PLXNA4: variants seen among roughly 807,000 people sequenced by gnomAD.
PLXNA4 encodes the protein plexin A4.
A neutral mutation model predicts 191.8 loss-of-function variants in PLXNA4; 44 were observed. That is an observed-to-expected ratio of 0.23 (90% confidence interval 0.18 to 0.29). The LOEUF (loss-of-function observed/expected upper bound fraction) is 0.29. PLXNA4 is among the 10% of genes least tolerant of loss of function. The pLI, the probability that PLXNA4 is intolerant of heterozygous loss-of-function variation, is 1.00. For missense variants in PLXNA4, 1,800 were observed against 2,488.8 expected, an observed-to-expected ratio of 0.72 and a Z score of 5.89; for synonymous variants, 1,082 against 1,009.5, an observed-to-expected ratio of 1.07 and a Z score of -1.36.
intron 3 of PLXNA4, among the ~76,000 whole-genome samples, chr7:132,342,758 C>T (rs965160655): frequency 6.6e-6 from 1 of 151,966 alleles, no homozygotes; most frequent in African/African-American, 2.4e-5. Context: ...ACCAACCTGG[C>T]CAACATGGCG....
intron 2 of PLXNA4, among the ~76,000 whole-genome samples, chr7:132,618,829 CA>C (rs1803206507): frequency 6.6e-6 from 1 of 152,180 alleles, no homozygotes. Context: ...CACAATCATG[CA>C]TTCCTGTCCA....
In PLXNA4 at chr7:132,194,021, G is replaced by A. The variant is rs1346942858; in HGVS notation, c.2856+41C>T. 2.5e-6 allele frequency: 4 copies of A among 1,588,736 alleles called. No individual in the cohort carries two copies. The South Asian group carries it at 3.4e-5, about 14-fold the overall frequency. On this transcript the variant is annotated intron_variant, in intron 14 of 31. Coordinates refer to ENST00000321063, the MANE Select transcript of PLXNA4 (RefSeq NM_020911.2). Reference sequence around the variant, plus strand: ...CCCAGCAATCATGGTAATGAGCTCTGTGGCCTGCACCCAGCCAGATCACTG... The same window carrying A: ...CCCAGCAATCATGGTAATGAGCTCTATGGCCTGCACCCAGCCAGATCACTG...
chr7:132,226,940 T>A (rs978778259), intron 7 of PLXNA4, among the ~76,000 whole-genome samples: 1 of 152,242 alleles, frequency 6.6e-6, no homozygotes, highest in African/African-American at 2.4e-5. Context: ...GCTGGGCCTG[T>A]CCCTCACCAG....
chr7:132,441,089 G>C (rs1795682441), intron 3 of PLXNA4, among the ~76,000 whole-genome samples: 1 of 152,112 alleles, frequency 6.6e-6, no homozygotes, highest in South Asian at 2.1e-4. Flanking sequence ...TATAATATAG[G>C]AACAGTAGAC....
At chr7:132,534,350 T>C (rs1799746217) in intron 1 of PLXNA4, among the ~76,000 whole-genome samples, 1 of 151,882 alleles carries the variant, frequency 6.6e-6, no homozygotes, top group Non-Finnish European at 1.5e-5. Flanking sequence ...TTAGACCCCC[T>C]CCCCTCTGTG....
chr7:132,607,418 A>G (rs1039270665), intron 2 of PLXNA4, among the ~76,000 whole-genome samples: 1 of 152,232 alleles, frequency 6.6e-6, no homozygotes, highest in Non-Finnish European at 1.5e-5. Flanking sequence ...GGAGCAGCCC[A>G]GAGCACAACA....
At position 132,365,356 on chromosome 7, in the gene PLXNA4, T is replaced by TGCGCGCGCGC. The variant is rs1382113654; in HGVS notation, c.1372-67135_1372-67134insGCGCGCGCGC. On this transcript the variant is annotated intron_variant, in intron 3 of 31. Coordinates refer to ENST00000321063, the MANE Select transcript of PLXNA4 (RefSeq NM_020911.2). ...GTGTGTGTGTGTGTGTGTGTGTGTG[T>TGCGCGCGCGC]GTGTGCGTGCGCGCGCATGCATGGG... 7.1e-4 allele frequency among the ~76,000 whole-genome samples: 62 copies of TGCGCGCGCGC among 87,696 alleles called. 1 individual carries two copies. Among genetic ancestry groups the TGCGCGCGCGC allele is most frequent in the Non-Finnish European group, 1.8e-4 (8 of 45,498 alleles). 57.5% of individuals were successfully genotyped at this position (87,696 alleles called of 152,430 possible). A position where few individuals can be genotyped will look rare whatever the true frequency, so the allele number is the denominator to read the frequency against.
intron 7 of PLXNA4, 83 bp from the exon 8 acceptor site, chr7:132,226,343 A>C: frequency 8.2e-7 from 1 of 1,214,186 alleles, no homozygotes; most frequent in Non-Finnish European, 1.2e-6. Context: ...CTGCTGGAAA[A>C]GGGAGCCTGC....
At chr7:132,320,252 G>GGGCC (rs1346378546) in intron 3 of PLXNA4, among the ~76,000 whole-genome samples, 1 of 152,198 alleles carries the variant, frequency 6.6e-6, no homozygotes, top group Non-Finnish European at 1.5e-5. Flanking sequence ...TGGAATCAAG[G>GGGCC]GGCCGGTAGG....
chr7:132,452,314 C>T (rs552941536), intron 3 of PLXNA4, among the ~76,000 whole-genome samples: 5 of 152,196 alleles, frequency 3.3e-5, no homozygotes, highest in African/African-American at 4.8e-5. Flanking sequence ...AGGCTTCTGC[C>T]TCCCACATTA....
At chr7:132,615,319 A>G (rs1803130370) in intron 2 of PLXNA4, among the ~76,000 whole-genome samples, 1 of 152,020 alleles carries the variant, frequency 6.6e-6, no homozygotes, top group South Asian at 2.1e-4. Context: ...CCCTAAGGGA[A>G]ACTGACGCCT....
chr7:132,137,072 A>ATGTT (rs1291688234), intron 30 of PLXNA4, among the ~76,000 whole-genome samples: 1 of 152,184 alleles, frequency 6.6e-6, no homozygotes, highest in Non-Finnish European at 1.5e-5. Flanking sequence ...GATACCATTA[A>ATGTT]TGTTTGACCC....
At chr7:132,345,791 C>T (rs1415783856) in intron 3 of PLXNA4, among the ~76,000 whole-genome samples, 1 of 152,218 alleles carries the variant, frequency 6.6e-6, no homozygotes, top group Non-Finnish European at 1.5e-5. Flanking sequence ...ATAAATTGTA[C>T]AGACAAAGAT....
At chr7:132,310,541 T>G (rs1215098608) in intron 3 of PLXNA4, among the ~76,000 whole-genome samples, 1 of 152,214 alleles carries the variant, frequency 6.6e-6, no homozygotes, top group African/African-American at 2.4e-5. Flanking sequence ...TCTTTGATGT[T>G]CTGTCCTTAC....
chr7:132,418,047 G>T (rs1261126349), intron 3 of PLXNA4, among the ~76,000 whole-genome samples: 1 of 152,170 alleles, frequency 6.6e-6, no homozygotes, highest in East Asian at 1.9e-4. Flanking sequence ...TGGGCACTGA[G>T]TCTTAATGAC....
At chr7:132,548,414 G>T (rs192212584) in intron 1 of PLXNA4, among the ~76,000 whole-genome samples, 3 of 152,108 alleles carry the variant, frequency 2.0e-5, no homozygotes, top group Admixed American at 1.3e-4. Context: ...GTATTTGGGG[G>T]TTTTGCTTGT....
At chr7:132,303,987 T>C (rs1031853563) in intron 3 of PLXNA4, among the ~76,000 whole-genome samples, 1 of 152,138 alleles carries the variant, frequency 6.6e-6, no homozygotes, top group Non-Finnish European at 1.5e-5. Context: ...GCTACCAATA[T>C]GGCATGCCAG....
At chr7:132,614,077 T>C (rs983491406) in intron 2 of PLXNA4, among the ~76,000 whole-genome samples, 1 of 152,228 alleles carries the variant, frequency 6.6e-6, no homozygotes, top group Non-Finnish European at 1.5e-5. Flanking sequence ...CCCAGTGCTA[T>C]CCTGTAGAAA....
intron 20 of PLXNA4, among the ~76,000 whole-genome samples, chr7:132,179,327 G>A (rs2122636): frequency 0.55 from 66,934 of 122,182 alleles, 17,927 homozygotes; most frequent in South Asian, 0.73. Flanking sequence ...ACATGCACAC[G>A]CACACACAGA....
Sources: gnomAD v4.1 joint callset for allele counts (sites outside exome capture counted in the v4.1 genomes callset) on GRCh38, gnomAD v4.1.1 for gene constraint, MANE v1.5 for transcripts, NCBI Gene and HGNC (gene_info 2026-07-23, HGNC 2026-07-21) for gene names.